The following MYO6 variants were observed in gnomAD, a reference collection of about 807,000 sequenced individuals.
MYO6 encodes the protein myosin VI.
A neutral mutation model predicts 178.7 loss-of-function variants in MYO6; 74 were observed. The observed-to-expected ratio is 0.41, with a 90% CI of 0.34 to 0.50. MYO6 has a LOEUF of 0.50. Among genes scored for constraint, MYO6 ranks in the 20% least tolerant of loss-of-function variants. The pLI is 0.09. For missense variants in MYO6, 1,330 were observed against 1,547.4 expected (o/e 0.86, Z 2.36); for synonymous variants, 477 against 504.6 (o/e 0.95, Z 0.73).
At chr6:75,808,563 C>A (rs1770339544) in intron 1 of MYO6, among the ~76,000 whole-genome samples, 2 of 152,110 alleles carry the variant, frequency 1.3e-5, no homozygotes, top group African/African-American at 4.8e-5. Flanking sequence ...ACTTTCAGTT[C>A]ATATGAAGGG....
At chr6:75,754,483 G>T (rs1455723121) in intron 1 of MYO6, among the ~76,000 whole-genome samples, 1 of 119,162 alleles carries the variant, frequency 8.4e-6, no homozygotes, top group Non-Finnish European at 1.6e-5. Flanking sequence ...TTGGGCCACT[G>T]CAGTCCAGCC....
chr6:75,797,741 C>T (rs1389724246), intron 1 of MYO6, among the ~76,000 whole-genome samples: 1 of 151,942 alleles, frequency 6.6e-6, no homozygotes, highest in Non-Finnish European at 1.5e-5. Context: ...ACCATGTTAG[C>T]CAGGCTGGTC....
At chr6:75,750,795 G>A (rs1256498510) in intron 1 of MYO6, among the ~76,000 whole-genome samples, 3 of 151,118 alleles carry the variant, frequency 2.0e-5, no homozygotes, top group South Asian at 4.2e-4. Context: ...GGCCAGGCTG[G>A]TCTCGAACTC....
chr6:75,911,012 G>A (rs1189719162), intron 32 of MYO6, among the ~76,000 whole-genome samples: 2 of 152,022 alleles, frequency 1.3e-5, no homozygotes, highest in African/African-American at 2.4e-5. Context: ...TAATGCATAA[G>A]GAGCCTCAGA....
intron 6 of MYO6, among the ~76,000 whole-genome samples, chr6:75,834,536 C>T (rs1773452016): frequency 1.3e-5 from 2 of 152,046 alleles, no homozygotes; most frequent in Admixed American, 6.6e-5. Flanking sequence ...CCTGGCCTTA[C>T]ACTTTGTTTA....
chr6:75,876,400 C>T (rs1184065867), intron 20 of MYO6, among the ~76,000 whole-genome samples: 1 of 152,080 alleles, frequency 6.6e-6, no homozygotes, highest in Non-Finnish European at 1.5e-5. Flanking sequence ...ATGGAATGAA[C>T]AGTGTAGAAA....
At chr6:75,805,002 C>CACATAT (rs1554199386) in intron 1 of MYO6, among the ~76,000 whole-genome samples, 7 of 63,968 alleles carry the variant, frequency 1.1e-4, no homozygotes, top group African/African-American at 1.5e-4. Context: ...TACACACACA[C>CACATAT]ATATATATAT....
At chr6:75,864,371 C>T (rs1163835381) in intron 16 of MYO6, among the ~76,000 whole-genome samples, 2 of 152,212 alleles carry the variant, frequency 1.3e-5, no homozygotes, top group Non-Finnish European at 2.9e-5. Context: ...CTCACATCCA[C>T]CTGCTCCATT....
intron 1 of MYO6, among the ~76,000 whole-genome samples, chr6:75,789,743 G>A (rs1210765532): frequency 6.6e-6 from 1 of 151,946 alleles, no homozygotes; most frequent in Admixed American, 6.6e-5. Flanking sequence ...TTTCTTTGTG[G>A]TAACAACATT....
intron 10 of MYO6, among the ~76,000 whole-genome samples, chr6:75,845,428 C>T (rs991023594): frequency 6.6e-6 from 1 of 152,114 alleles, no homozygotes; most frequent in Non-Finnish European, 1.5e-5. Context: ...CGTGGTGGCT[C>T]ACACCTGTAA....
At position 75,844,947 on chromosome 6, in the gene MYO6, A is replaced by G; in HGVS notation, c.867A>G (p.Lys289=). The change falls in exon 10 of 35, where the codon AAA becomes AAG. Residue 289 remains lysine (K), a synonymous_variant. Transcript: ENST00000369977. ...ACTTTGCTAACAAAGAAACTGACAA[A>G]CAGATTTTACAGAACCGCAAAAGTC... ...TRYFANKETD[K]QILQNRKSPE... The G allele has an allele frequency of 6.2e-7, 1 of 1,613,492 alleles. No individual in the cohort carries two copies. Among genetic ancestry groups the G allele is most frequent in the South Asian group, 1.1e-5 (1 of 91,050 alleles).
chr6:75,809,056 T>C (rs911669053), intron 1 of MYO6, among the ~76,000 whole-genome samples: 1 of 152,238 alleles, frequency 6.6e-6, no homozygotes, highest in African/African-American at 2.4e-5. Context: ...TGCGTTTGTC[T>C]CACATGAGCC....
chr6:75,826,154 G>A (rs536992478), intron 3 of MYO6, among the ~76,000 whole-genome samples: 1 of 152,306 alleles, frequency 6.6e-6, no homozygotes, highest in East Asian at 1.9e-4. Context: ...CCTTTAGGGA[G>A]ATGTAGGCAG....
chr6:75,858,395 C>T (rs1447367303), intron 13 of MYO6, among the ~76,000 whole-genome samples: 1 of 152,142 alleles, frequency 6.6e-6, no homozygotes, highest in Non-Finnish European at 1.5e-5. Flanking sequence ...CACTTGAGGC[C>T]AGGAGTTCGA....
intron 9 of MYO6, 142 bp downstream of exon 9, chr6:75,841,520 C>A: frequency 1.4e-6 from 1 of 706,342 alleles, no homozygotes; most frequent in Non-Finnish European, 2.3e-6. Context: ...GAGACCCTGT[C>A]TCTAAAAAAA....
chr6:75,766,447 T>C (rs1034214265), intron 1 of MYO6, among the ~76,000 whole-genome samples: 4 of 152,070 alleles, frequency 2.6e-5, no homozygotes, highest in Admixed American at 2.0e-4. Context: ...TATTCTAACA[T>C]AAAGGAAAGT....
intron 11 of MYO6, 77 bp from the exon 12 acceptor site, chr6:75,855,062 A>G (rs1775623001): frequency 7.8e-6 from 10 of 1,290,294 alleles, no homozygotes; most frequent in South Asian, 1.3e-5. Context: ...TAAGTGAAGT[A>G]TAATTCTAAG....
chr6:75,787,757 T>G, intron 1 of MYO6, among the ~76,000 whole-genome samples: 1 of 127,338 alleles, frequency 7.9e-6, no homozygotes, highest in African/African-American at 3.0e-5. Flanking sequence ...TATATATATA[T>G]ATATGTATTT....
intron 24 of MYO6, 150 bp from the exon 25 acceptor site, chr6:75,886,694 T>C (rs893468278): frequency 3.7e-5 from 28 of 751,224 alleles, no homozygotes; most frequent in Non-Finnish European, 5.5e-5. Flanking sequence ...ATTTGATTTT[T>C]TTTAGCCTTC....
Sources: gnomAD v4.1 joint callset for allele counts (sites outside exome capture counted in the v4.1 genomes callset) on GRCh38, gnomAD v4.1.1 for gene constraint, MANE v1.5 for transcripts, NCBI Gene and HGNC (gene_info 2026-07-23, HGNC 2026-07-21) for gene names.